The following NXPH1 variants were observed in gnomAD, a reference collection of about 807,000 sequenced individuals.
NXPH1 encodes neurexophilin 1.
Under a neutral mutation model 23.7 loss-of-function variants are expected in NXPH1, and 5 were observed. That is an observed-to-expected ratio of 0.21 (90% confidence interval 0.11 to 0.44). The LOEUF is 0.44. Ranked by LOEUF, NXPH1 falls within the 20% of genes least tolerant of loss-of-function variation. The probability of loss-of-function intolerance (pLI) is 0.99; values close to 1 mark genes in which losing one functional copy is unlikely to be tolerated. For synonymous variants in NXPH1, 144 were observed against 122.2 expected (o/e 1.18, Z -1.18); for missense variants, 324 against 321.6 (o/e 1.01, Z -0.06).
At chr7:8,699,080 C>G (rs1005134078) in intron 2 of NXPH1, among the ~76,000 whole-genome samples, 1 of 152,056 alleles carries the variant, frequency 6.6e-6, no homozygotes, top group Non-Finnish European at 1.5e-5. Context: ...AGGATTAGAA[C>G]AGATCAAATT....
intron 2 of NXPH1, among the ~76,000 whole-genome samples, chr7:8,622,533 T>C (rs187074293): frequency 1.1e-4 from 17 of 152,294 alleles, no homozygotes; most frequent in Admixed American, 9.8e-4. Flanking sequence ...AGACTTGGCA[T>C]TTGTGTTTAC....
intron 2 of NXPH1, among the ~76,000 whole-genome samples, chr7:8,568,651 A>C (rs1818590669): frequency 1.5e-5 from 1 of 65,416 alleles, no homozygotes; most frequent in African/African-American, 1.6e-4. Flanking sequence ...TCTTAGCAAA[A>C]AAAAAAAAAA....
At chr7:8,462,198 G>A (rs953169762) in intron 2 of NXPH1, among the ~76,000 whole-genome samples, 2 of 151,980 alleles carry the variant, frequency 1.3e-5, no homozygotes, top group South Asian at 2.1e-4. Context: ...ACAGGCATGC[G>A]CCACCATGCC....
intron 2 of NXPH1, among the ~76,000 whole-genome samples, chr7:8,545,175 C>T (rs186553123): frequency 1.0e-3 from 157 of 151,486 alleles, no homozygotes; most frequent in African/African-American, 3.5e-3. Flanking sequence ...AAGTTTTATC[C>T]CAAAGAGTAG....
Position 8,435,756 on chromosome 7 carries a change from A to G in NXPH1, c.43A>G (p.Thr15Ala), listed in dbSNP as rs769126264. Reference sequence around the variant, plus strand: ...GTACGTGCTTTTCCTCCTGCAGCCCACCGTCTACTTGGTAAGTCTTGGAAG... The same window carrying G: ...GTACGTGCTTTTCCTCCTGCAGCCCGCCGTCTACTTGGTAAGTCTTGGAAG... ...CWYVLFLLQP[T>A]VYLVTCANLT... Residue 15 changes from threonine to alanine, a missense_variant, in exon 2 of 3, where the codon ACC becomes GCC. Thr to Ala is a moderately conservative substitution (Grantham distance 58). Coordinates refer to ENST00000405863, the MANE Select transcript of NXPH1 (RefSeq NM_152745.3). The surrounding 1 kb of genome is among the most constrained non-coding windows in gnomAD (Gnocchi z 5.9). 1 of 1,613,898 alleles carries G rather than the reference A, an allele frequency of 6.2e-7. No homozygotes were observed. The highest frequency in any genetic ancestry group is 1.7e-5 in the Admixed American group (1 of 60,018).
chr7:8,486,114 A>G (rs1285409074), intron 2 of NXPH1, among the ~76,000 whole-genome samples: 3 of 152,160 alleles, frequency 2.0e-5, no homozygotes, highest in Admixed American at 2.0e-4. Context: ...TAAGTCAAAA[A>G]TATTTTATTT....
chr7:8,551,248 T>C (rs954520171), intron 2 of NXPH1, among the ~76,000 whole-genome samples: 3 of 151,560 alleles, frequency 2.0e-5, no homozygotes, highest in Non-Finnish European at 4.4e-5. Context: ...CTTTTACAAA[T>C]GAATTGTCTA....
At chr7:8,750,401 G>A (rs117668761) in intron 2 of NXPH1, among the ~76,000 whole-genome samples, 2,199 of 152,166 alleles carry the variant, frequency 0.014, 19 homozygotes, top group Non-Finnish European at 0.025. Flanking sequence ...ATGTGCCATG[G>A]TGTTTTGCCG....
chr7:8,668,550 G>C (rs1820817877), intron 2 of NXPH1, among the ~76,000 whole-genome samples: 1 of 152,176 alleles, frequency 6.6e-6, no homozygotes. Flanking sequence ...CCTGTTGATT[G>C]AGTCCATGGG....
At chr7:8,493,037 G>A (rs551106360) in intron 2 of NXPH1, among the ~76,000 whole-genome samples, 24 of 151,990 alleles carry the variant, frequency 1.6e-4, no homozygotes, top group Non-Finnish European at 2.8e-4. Flanking sequence ...ATTCATCCAC[G>A]GTCCCTCAGG....
At chr7:8,595,095 C>T (rs926147314) in intron 2 of NXPH1, among the ~76,000 whole-genome samples, 2 of 152,104 alleles carry the variant, frequency 1.3e-5, no homozygotes, top group East Asian at 3.9e-4. Context: ...TCAATGGCAA[C>T]ATCATCATAA....
At chr7:8,495,177 G>A (rs1000204927) in intron 2 of NXPH1, among the ~76,000 whole-genome samples, 1 of 151,858 alleles carries the variant, frequency 6.6e-6, no homozygotes, top group African/African-American at 2.4e-5. Context: ...AGTTTGTAGG[G>A]CAGGTTGGTA....
At position 8,751,415 on chromosome 7, in the gene NXPH1, G is replaced by T. The variant is rs1294272333; in HGVS notation, c.462G>T (p.Arg154Ser). ...ATGGGACATTTAGTGTTTATTTCAGGCATAATTCAACTGGTCAAGGGAATG... is the reference window on the plus strand; with the variant it reads ...ATGGGACATTTAGTGTTTATTTCAGTCATAATTCAACTGGTCAAGGGAATG... ...HGNGTFSVYF[R>S]HNSTGQGNVS... The change falls in exon 3 of 3, where the codon AGG (arginine) becomes AGT (serine). Residue 154 changes from arginine to serine, a missense_variant. Transcript: ENST00000405863. The surrounding 1 kb of genome is among the most constrained non-coding windows in gnomAD (Gnocchi z 4.5). The T allele has an allele frequency of 6.2e-7, 1 of 1,613,716 alleles. No individual in the cohort carries two copies.
At chr7:8,589,297 C>T (rs1339597898) in intron 2 of NXPH1, among the ~76,000 whole-genome samples, 2 of 152,052 alleles carry the variant, frequency 1.3e-5, no homozygotes, top group African/African-American at 2.4e-5. Flanking sequence ...CAGGCCCGGT[C>T]ACTTGCATCA....
chr7:8,490,362 T>A (rs1294624381), intron 2 of NXPH1, among the ~76,000 whole-genome samples: 1 of 151,562 alleles, frequency 6.6e-6, no homozygotes, highest in African/African-American at 2.4e-5. Flanking sequence ...GTAGGAGGTC[T>A]GGGGAGTTGC....
chr7:8,571,373 T>C (rs1818644135), intron 2 of NXPH1, among the ~76,000 whole-genome samples: 1 of 151,672 alleles, frequency 6.6e-6, no homozygotes, highest in South Asian at 2.1e-4. Flanking sequence ...TGTGATTACT[T>C]ATTAGGGTTT....
chr7:8,616,762 A>G (rs148225735), intron 2 of NXPH1, among the ~76,000 whole-genome samples: 478 of 152,164 alleles, frequency 3.1e-3, no homozygotes, highest in African/African-American at 0.011. Flanking sequence ...ACTGGATCAT[A>G]CAGTTATAAA....
chr7:8,740,730 AATTT>A (rs914678280), intron 2 of NXPH1, among the ~76,000 whole-genome samples: 21 of 151,530 alleles, frequency 1.4e-4, no homozygotes, highest in African/African-American at 4.8e-4. Context: ...TTTTCCTTTA[AATTT>A]ATTTATTTAT....
intron 2 of NXPH1, among the ~76,000 whole-genome samples, chr7:8,693,377 G>C (rs1821253256): frequency 6.6e-6 from 1 of 152,112 alleles, no homozygotes; most frequent in Non-Finnish European, 1.5e-5. Context: ...TTTCAACACA[G>C]AATTGCCTTT....
Sources: gnomAD v4.1 joint callset for allele counts (sites outside exome capture counted in the v4.1 genomes callset) on GRCh38, gnomAD v4.1.1 for gene constraint, Gnocchi (gnomAD v3.1) non-coding constraint, MANE v1.5 for transcripts, NCBI Gene and HGNC (gene_info 2026-07-23, HGNC 2026-07-21) for gene names.